TAFA1: variants seen among roughly 807,000 people sequenced by gnomAD.
TAFA1 encodes the protein chemokine-like protein TAFA-1.
TAFA1 carries 4 observed loss-of-function variants against 18.5 expected under a neutral mutation model. The ratio of observed to expected loss-of-function variants is 0.22; its 90% confidence interval spans 0.11 to 0.49. The LOEUF is 0.49. TAFA1 is among the 20% of genes least tolerant of loss of function. The pLI is 0.98. For missense variants in TAFA1, 147 were observed against 169.0 expected (o/e 0.87, Z 0.72); for synonymous variants, 56 against 55.2 (o/e 1.01, Z -0.06).
At chr3:68,395,454 G>A (rs1276774266) in intron 2 of TAFA1, among the ~76,000 whole-genome samples, 1 of 152,050 alleles carries the variant, frequency 6.6e-6, no homozygotes, top group Non-Finnish European at 1.5e-5. Context: ...TATACCCAAA[G>A]GATTATAAAT....
chr3:68,427,661 C>G (rs1364600717), intron 3 of TAFA1, among the ~76,000 whole-genome samples: 2 of 151,806 alleles, frequency 1.3e-5, no homozygotes, highest in Non-Finnish European at 2.9e-5. Flanking sequence ...ACCACCCCCC[C>G]CATACAAGTT....
chr3:68,127,528 G>A (rs1049509775), intron 2 of TAFA1, among the ~76,000 whole-genome samples: 5 of 151,530 alleles, frequency 3.3e-5, no homozygotes, highest in South Asian at 2.1e-4. Context: ...AACATGGCAC[G>A]GCTGCTGCTG....
intron 2 of TAFA1, among the ~76,000 whole-genome samples, chr3:68,368,632 A>G (rs2069619611): frequency 6.6e-6 from 1 of 151,960 alleles, no homozygotes; most frequent in Admixed American, 6.6e-5. Flanking sequence ...TGATGATTCT[A>G]CTTATCTCCC....
intron 2 of TAFA1, among the ~76,000 whole-genome samples, chr3:68,316,294 C>T (rs2068604175): frequency 6.6e-6 from 1 of 152,096 alleles, no homozygotes; most frequent in Non-Finnish European, 1.5e-5. Flanking sequence ...GGACTCCCTC[C>T]CTTAGAAATG....
At chr3:68,068,297 T>C (rs929352032) in intron 2 of TAFA1, among the ~76,000 whole-genome samples, 4 of 152,226 alleles carry the variant, frequency 2.6e-5, no homozygotes, top group South Asian at 4.1e-4. Flanking sequence ...CAAGTTGTCA[T>C]TTTGTCTATC....
At chr3:68,183,542 T>A (rs1326470528) in intron 2 of TAFA1, among the ~76,000 whole-genome samples, 1 of 152,152 alleles carries the variant, frequency 6.6e-6, no homozygotes, top group East Asian at 1.9e-4. Context: ...ATCAGAAGAC[T>A]GTTGGATCCT....
At chr3:68,518,094 A>C (rs1041682902) in intron 3 of TAFA1, among the ~76,000 whole-genome samples, 4 of 152,090 alleles carry the variant, frequency 2.6e-5, no homozygotes, top group African/African-American at 9.7e-5. Flanking sequence ...GCAAATTCCT[A>C]CTGATCCTTT....
chr3:68,430,096 C>G (rs2071139477), intron 3 of TAFA1, among the ~76,000 whole-genome samples: 1 of 151,890 alleles, frequency 6.6e-6, no homozygotes, highest in African/African-American at 2.4e-5. Context: ...AGACCATGAT[C>G]TAATCATACC....
At chr3:68,206,591 G>A (rs1482753816) in intron 2 of TAFA1, among the ~76,000 whole-genome samples, 2 of 151,890 alleles carry the variant, frequency 1.3e-5, no homozygotes, top group South Asian at 2.1e-4. Context: ...CATGGCTTCA[G>A]GCACAGTTGG....
At chr3:68,237,897 A>T (rs1491723) in intron 2 of TAFA1, among the ~76,000 whole-genome samples, 5,221 of 152,268 alleles carry the variant, frequency 0.034, 288 homozygotes, top group African/African-American at 0.12. Flanking sequence ...AAATATCATA[A>T]TAGCAGATAT....
intron 2 of TAFA1, among the ~76,000 whole-genome samples, chr3:68,326,355 A>G (rs1186936224): frequency 1.3e-5 from 2 of 152,190 alleles, no homozygotes; most frequent in Non-Finnish European, 2.9e-5. Context: ...GTCATTGACA[A>G]TTATCTTTGG....
At chr3:68,107,090 T>A (rs1049786168) in intron 2 of TAFA1, among the ~76,000 whole-genome samples, 1 of 152,132 alleles carries the variant, frequency 6.6e-6, no homozygotes, top group Non-Finnish European at 1.5e-5. Flanking sequence ...ACATTACCAG[T>A]TCATAGGAGC....
chr3:68,050,239 G>C lies in TAFA1; in HGVS notation c.118+43495G>C, dbSNP rs150153721. 2.1e-3 allele frequency among the ~76,000 whole-genome samples: 327 copies of C among 152,260 alleles called. 1 individual carries two copies. The highest frequency in any genetic ancestry group is 7.5e-3 in the African/African-American group (313 of 41,554). On this transcript the variant is annotated intron_variant, in intron 2 of 4. Transcript: ENST00000478136. ...AACCATTGAAGGATGTATTAGTAAA[G>C]CAGTTACCACTGTGAGGATGTGGGT...
intron 2 of TAFA1, among the ~76,000 whole-genome samples, chr3:68,162,810 A>G (rs980470209): frequency 6.6e-6 from 1 of 152,228 alleles, no homozygotes; most frequent in African/African-American, 2.4e-5. Context: ...ATGTTATCTG[A>G]AAAACCTAAA....
At chr3:68,207,153 C>A (rs1001569977) in intron 2 of TAFA1, among the ~76,000 whole-genome samples, 1 of 151,620 alleles carries the variant, frequency 6.6e-6, no homozygotes, top group East Asian at 2.0e-4. Context: ...ATTTTTCAGC[C>A]CTATATTAGC....
chr3:68,195,441 A>G (rs938648550), intron 2 of TAFA1, among the ~76,000 whole-genome samples: 1 of 150,060 alleles, frequency 6.7e-6, no homozygotes, highest in African/African-American at 2.5e-5. Context: ...GAAATTCGAC[A>G]TTATGACCAT....
chr3:68,279,801 A>G (rs1175973511), intron 2 of TAFA1, among the ~76,000 whole-genome samples: 1 of 152,194 alleles, frequency 6.6e-6, no homozygotes, highest in African/African-American at 2.4e-5. Context: ...ATAACACAAC[A>G]TGTGCATTAC....
intron 3 of TAFA1, among the ~76,000 whole-genome samples, chr3:68,502,455 A>G (rs901068708): frequency 1.3e-5 from 2 of 152,074 alleles, no homozygotes; most frequent in African/African-American, 4.8e-5. Flanking sequence ...ATTTCAGACC[A>G]TTGATGGATT....
intron 2 of TAFA1, among the ~76,000 whole-genome samples, chr3:68,313,227 C>T (rs1289830124): frequency 1.3e-5 from 2 of 152,180 alleles, no homozygotes; most frequent in East Asian, 1.9e-4. Context: ...TTGCTTAAAA[C>T]ATTATACCAA....
Sources: gnomAD v4.1 joint callset for allele counts (sites outside exome capture counted in the v4.1 genomes callset) on GRCh38, gnomAD v4.1.1 for gene constraint, MANE v1.5 for transcripts, NCBI Gene and HGNC (gene_info 2026-07-23, HGNC 2026-07-21) for gene names.